Variants in CLNS1A observed in about 807,000 individuals in gnomAD.
CLNS1A encodes methylosome subunit pICln.
A neutral mutation model predicts 29.4 loss-of-function variants in CLNS1A; 16 were observed. The observed-to-expected ratio is 0.54, with a 90% CI of 0.37 to 0.83. The LOEUF (loss-of-function observed/expected upper bound fraction) is 0.83. Among genes scored for constraint, CLNS1A ranks in the 40% least tolerant of loss-of-function variants. CLNS1A has a pLI of 0.00. For synonymous variants in CLNS1A, 96 were observed against 104.8 expected, an observed-to-expected ratio of 0.92 and a Z score of 0.51; for missense variants, 235 against 287.4, an observed-to-expected ratio of 0.82 and a Z score of 1.32.
chr11:77,633,036 A>C (rs1959090196), intron 1 of CLNS1A, among the ~76,000 whole-genome samples: 1 of 150,862 alleles, frequency 6.6e-6, no homozygotes, highest in Non-Finnish European at 1.5e-5. Flanking sequence ...GCAGTGAACC[A>C]AGATCACGCT....
chr11:77,637,266 A>AG (rs1959138582), intron 1 of CLNS1A, among the ~76,000 whole-genome samples: 1 of 145,974 alleles, frequency 6.9e-6, no homozygotes, highest in East Asian at 2.0e-4. Flanking sequence ...AAAAGAAAAT[A>AG]AAAGAAAGAA....
At chr11:77,625,551 T>C (rs938268667) in intron 3 of CLNS1A, 166 bp downstream of exon 3, 1 of 581,936 alleles carries the variant, frequency 1.7e-6, no homozygotes, top group African/African-American at 1.9e-5. Flanking sequence ...TATTAATAGG[T>C]ATTTGGTCCT....
intron 1 of CLNS1A, among the ~76,000 whole-genome samples, chr11:77,637,254 A>AAAAAAAAAG (rs1255397759): frequency 6.8e-6 from 1 of 147,128 alleles, no homozygotes; most frequent in African/African-American, 2.5e-5. Flanking sequence ...AAAAAAAAAA[A>AAAAAAAAAG]AAAAAGAAAA....
In CLNS1A at chr11:77,617,744, CCT is replaced by C. The variant is rs570339948; in HGVS notation, c.*23-1051_*23-1050del. ...ACCATCCTGGCCAACATGGTGAAAC[CCT>C]CTCTCTACTAAAAATACAAAAATTA... On this transcript the variant is annotated intron_variant, in intron 6 of 6. Transcript: ENST00000525428. Among the ~76,000 whole-genome samples the C allele has an allele frequency of 6.6e-4, 100 of 151,060 alleles. No homozygotes were observed. The East Asian group carries it at 0.016, about 24-fold the overall frequency.
rs745795437 is a variant in CLNS1A at position 77,624,952 on chromosome 11, A to G, written c.472+11T>C. ...AAACAAAAAACCCACTTTAAAATCC[A>G]TTTCACTAACCATGTGCTTCCACAT... On this transcript the variant is annotated intron_variant, in intron 4 of 6. Coordinates refer to ENST00000525428, the MANE Select transcript of CLNS1A (RefSeq NM_001293.3). The G allele has an allele frequency of 1.1e-5, 18 of 1,570,272 alleles. No homozygotes were observed. Among genetic ancestry groups the G allele is most frequent in the Admixed American group, 1.7e-5 (1 of 58,000 alleles).
At chr11:77,637,069 T>C (rs1413543963) in intron 1 of CLNS1A, among the ~76,000 whole-genome samples, 1 of 151,678 alleles carries the variant, frequency 6.6e-6, no homozygotes, top group Non-Finnish European at 1.5e-5. Flanking sequence ...AAAATCTTTA[T>C]TGTGTAACCA....
intron 1 of CLNS1A, among the ~76,000 whole-genome samples, chr11:77,637,112 A>G (rs530009853): frequency 5.9e-4 from 90 of 151,926 alleles, no homozygotes; most frequent in African/African-American, 2.0e-3. Context: ...CGGCTCTGAA[A>G]CTACGTATCC....
chr11:77,625,669 A>T, intron 3 of CLNS1A, 48 bp downstream of exon 3: 1 of 1,533,236 alleles, frequency 6.5e-7, no homozygotes, highest in Non-Finnish European at 8.9e-7. Context: ...GTCAATTGGG[A>T]ATGCTTGGTA....
intron 4 of CLNS1A, among the ~76,000 whole-genome samples, chr11:77,624,264 C>T (rs1958992615): frequency 6.6e-6 from 1 of 151,960 alleles, no homozygotes; most frequent in South Asian, 2.1e-4. Flanking sequence ...GACCCTGTTG[C>T]AAAATAATAA....
chr11:77,622,448 A>G, intron 5 of CLNS1A, 52 bp downstream of exon 5: 1 of 1,380,172 alleles, frequency 7.2e-7, no homozygotes, highest in Non-Finnish European at 9.9e-7. Context: ...ACTATCCATA[A>G]CTTATTGCCC....
At chr11:77,634,401 C>A (rs968486911) in intron 1 of CLNS1A, among the ~76,000 whole-genome samples, 6 of 152,190 alleles carry the variant, frequency 3.9e-5, no homozygotes, top group South Asian at 2.1e-4. Flanking sequence ...TGTATTTATA[C>A]CCTTTTTTTG....
At chr11:77,626,271 T>TG (rs1182308078) in intron 2 of CLNS1A, among the ~76,000 whole-genome samples, 1 of 152,106 alleles carries the variant, frequency 6.6e-6, no homozygotes, top group Non-Finnish European at 1.5e-5. Flanking sequence ...TTTTTTGAGA[T>TG]GGGGTCTTAC....
At chr11:77,626,456 T>C (rs1959020420) in intron 2 of CLNS1A, among the ~76,000 whole-genome samples, 1 of 151,994 alleles carries the variant, frequency 6.6e-6, no homozygotes, top group Non-Finnish European at 1.5e-5. Flanking sequence ...CTGGCCAATA[T>C]GGTGAAACCC....
At chr11:77,637,366 T>C (rs1478780957) in intron 1 of CLNS1A, among the ~76,000 whole-genome samples, 7 of 94,020 alleles carry the variant, frequency 7.4e-5, no homozygotes, top group African/African-American at 1.6e-4. Flanking sequence ...GCACAATCCA[T>C]AAGGGGAAAT....
At position 77,625,630 on chromosome 11, in the gene CLNS1A, G is replaced by GGT. The variant is rs139539521; in HGVS notation, c.364+85_364+86dup. On this transcript the variant is annotated intron_variant, in intron 3 of 6. Coordinates refer to ENST00000525428, the MANE Select transcript of CLNS1A (RefSeq NM_001293.3). The stretch of plus-strand genomic sequence containing the variant: ...GGAGGTAATGGTGGTAAAGGTGAGA[G>GGT]GTGTGTGTGTGTGTGTATGTGTGTG... 1,475 of 1,021,334 alleles carry GGT rather than the reference G, an allele frequency of 1.4e-3. 3 individuals are homozygous for GGT. Among genetic ancestry groups the GGT allele is most frequent in the African/African-American group, 0.01 (647 of 61,678 alleles). The allele number at this position is 1,021,334 out of a possible 1,614,324, so 63.3% of individuals were successfully genotyped here.
intron 4 of CLNS1A, 110 bp from the exon 5 acceptor site, chr11:77,622,783 A>C (rs905735387): frequency 6.0e-6 from 5 of 828,090 alleles, no homozygotes; most frequent in Non-Finnish European, 8.9e-6. Flanking sequence ...CCCTATCTCT[A>C]CTAAAAATAC....
At chr11:77,633,240 G>A (rs1355541966) in intron 1 of CLNS1A, among the ~76,000 whole-genome samples, 1 of 152,092 alleles carries the variant, frequency 6.6e-6, no homozygotes, top group African/African-American at 2.4e-5. Context: ...CAGAGGCCAC[G>A]ATGAAATAGG....
chr11:77,615,929 T>G lies in CLNS1A; in HGVS notation c.*789A>C, dbSNP rs867885070. The G allele has an allele frequency of 9.2e-5, 14 of 152,306 alleles. No homozygotes were observed. Among genetic ancestry groups the G allele is most frequent in the Admixed American group, 2.0e-4 (3 of 15,290 alleles). The allele number at this position is 152,306 out of a possible 1,614,324, so 9.4% of individuals were successfully genotyped here. On this transcript the variant is annotated 3_prime_UTR_variant, in exon 7 of 7. Transcript: ENST00000525428. ...TTGAGAGTTGATAAATATAAGAAAT[T>G]ACTGCTGATCTAAAAGGAAGTGGCA... is the stretch of plus-strand genomic sequence containing the variant.
At chr11:77,623,522 T>TG (rs1958985104) in intron 4 of CLNS1A, among the ~76,000 whole-genome samples, 1 of 151,580 alleles carries the variant, frequency 6.6e-6, no homozygotes, top group Non-Finnish European at 1.5e-5. Context: ...GTCCAGTAGT[T>TG]CAAGGCTGCA....
Sources: gnomAD v4.1 joint callset for allele counts (sites outside exome capture counted in the v4.1 genomes callset) on GRCh38, gnomAD v4.1.1 for gene constraint, MANE v1.5 for transcripts, NCBI Gene and HGNC (gene_info 2026-07-23, HGNC 2026-07-21) for gene names.